PDE10A: variants seen among roughly 807,000 people sequenced by gnomAD.
The protein encoded by PDE10A is phosphodiesterase 10A.
A neutral mutation model predicts 97.7 loss-of-function variants in PDE10A; 39 were observed. The ratio of observed to expected loss-of-function variants is 0.40; its 90% CI spans 0.31 to 0.52. The LOEUF is 0.52. Among genes scored for constraint, PDE10A ranks in the 20% least tolerant of loss-of-function variants. The probability of loss-of-function intolerance (pLI) is 0.56; values close to 1 mark genes in which losing one functional copy is unlikely to be tolerated. For missense variants in PDE10A, 731 were observed against 1,047.8 expected, an observed-to-expected ratio of 0.70 and a Z score of 4.17; for synonymous variants, 371 against 376.8, an observed-to-expected ratio of 0.98 and a Z score of 0.18.
chr6:165,474,216 G>A (rs1433654864), intron 3 of PDE10A, among the ~76,000 whole-genome samples: 1 of 152,166 alleles, frequency 6.6e-6, no homozygotes, highest in Admixed American at 6.5e-5. Context: ...AGGTTCTTAA[G>A]CAGTATTGTA....
chr6:165,683,516 G>A (rs1472695607), intron 1 of PDE10A, among the ~76,000 whole-genome samples: 1 of 152,178 alleles, frequency 6.6e-6, no homozygotes, highest in Admixed American at 6.5e-5. Flanking sequence ...GGAGAGATGG[G>A]TTCATCTGGG....
intron 1 of PDE10A, among the ~76,000 whole-genome samples, chr6:165,749,297 C>T (rs1162897960): frequency 6.4e-5 from 4 of 62,754 alleles, no homozygotes; most frequent in African/African-American, 1.9e-4. Context: ...TCACCATCAC[C>T]ATCATCACCA....
At chr6:165,828,777 GC>G (rs1028850042) in intron 1 of PDE10A, among the ~76,000 whole-genome samples, 1 of 152,110 alleles carries the variant, frequency 6.6e-6, no homozygotes, top group African/African-American at 2.4e-5. Context: ...GAGGCCCTGT[GC>G]CCCCACCCTA....
At position 165,413,705 on chromosome 6, in the gene PDE10A, C is replaced by G. The variant is rs575166086; in HGVS notation, c.1890-18G>C. 1.9e-5 allele frequency: 30 copies of G among 1,580,738 alleles called. No homozygotes were observed. Among genetic ancestry groups the G allele is most frequent in the Admixed American group, 1.2e-4 (7 of 57,992 alleles). On this transcript the variant is annotated intron_variant, in intron 12 of 21. Coordinates refer to ENST00000539869, the MANE Select transcript of PDE10A (RefSeq NM_001385079.1). ...CTACTTCTCTGTGGGGTGACAGAAC[C>G]AAAAATAACAACAACAACAAAAGGG...
chr6:165,414,056 T>C (rs1400462451), intron 12 of PDE10A, among the ~76,000 whole-genome samples: 1 of 152,186 alleles, frequency 6.6e-6, no homozygotes, highest in African/African-American at 2.4e-5. Flanking sequence ...TCCTTTGAAG[T>C]TGATCGTGTT....
At chr6:165,928,671 A>G (rs967225928) in intron 1 of PDE10A, among the ~76,000 whole-genome samples, 1 of 152,008 alleles carries the variant, frequency 6.6e-6, no homozygotes, top group Non-Finnish European at 1.5e-5. Flanking sequence ...TGGTGGTGCC[A>G]ACATCCCGGC....
At chr6:165,893,321 G>A (rs2323034) in intron 1 of PDE10A, among the ~76,000 whole-genome samples, 70,595 of 152,028 alleles carry the variant, frequency 0.46, 16,632 homozygotes, top group East Asian at 0.66. Context: ...TAGTTGCTTG[G>A]CTTTCCTAGA....
At chr6:165,353,273 G>T (rs1436074471) in intron 18 of PDE10A, among the ~76,000 whole-genome samples, 1 of 151,910 alleles carries the variant, frequency 6.6e-6, no homozygotes, top group Non-Finnish European at 1.5e-5. Context: ...AAAAGAGTCT[G>T]GTATATTTCA....
chr6:165,372,886 G>A (rs1490008577), intron 18 of PDE10A, among the ~76,000 whole-genome samples: 3 of 151,968 alleles, frequency 2.0e-5, no homozygotes, highest in Non-Finnish European at 4.4e-5. Context: ...CAGAGAAACA[G>A]ATCAGTGGAA....
chr6:165,750,891 A>G (rs1583035881), intron 1 of PDE10A, among the ~76,000 whole-genome samples: 1 of 152,206 alleles, frequency 6.6e-6, no homozygotes, highest in East Asian at 1.9e-4. Context: ...CAGGACACAC[A>G]GCATGTCTGT....
chr6:165,857,700 TG>T (rs1780783258), intron 1 of PDE10A, among the ~76,000 whole-genome samples: 1 of 101,662 alleles, frequency 9.8e-6, no homozygotes, highest in African/African-American at 3.8e-5. Context: ...AACAGTTCCG[TG>T]TGTGTGTGTG....
intron 1 of PDE10A, among the ~76,000 whole-genome samples, chr6:165,914,898 A>G (rs564236485): frequency 6.6e-6 from 1 of 152,288 alleles, no homozygotes; most frequent in Non-Finnish European, 1.5e-5. Context: ...TCCTCTCACA[A>G]CTGGTCTGTT....
intron 1 of PDE10A, among the ~76,000 whole-genome samples, chr6:165,719,586 G>A (rs1792114772): frequency 6.6e-6 from 1 of 152,146 alleles, no homozygotes; most frequent in South Asian, 2.1e-4. Flanking sequence ...CTTCCCAGAA[G>A]GAGGGTGACA....
chr6:165,940,737 C>T (rs1231107006), intron 1 of PDE10A: 1 of 152,256 alleles, frequency 6.6e-6, no homozygotes, highest in Non-Finnish European at 1.5e-5. Flanking sequence ...CGCCTTCCAG[C>T]CGCAGCCGAC....
chr6:165,498,333 G>T (rs1780658714), intron 2 of PDE10A, among the ~76,000 whole-genome samples: 1 of 145,734 alleles, frequency 6.9e-6, no homozygotes, highest in African/African-American at 2.5e-5. Flanking sequence ...TGTGGCAGGA[G>T]GATCACTTGA....
At chr6:165,635,727 A>C (rs1227777338) in intron 1 of PDE10A, among the ~76,000 whole-genome samples, 1 of 152,232 alleles carries the variant, frequency 6.6e-6, no homozygotes, top group East Asian at 1.9e-4. Context: ...AAATCAATAG[A>C]CTATCGTAAA....
At chr6:165,594,865 A>G (rs1786491578) in intron 1 of PDE10A, among the ~76,000 whole-genome samples, 1 of 152,232 alleles carries the variant, frequency 6.6e-6, no homozygotes. Context: ...AAAGAACCAT[A>G]TACTCATGTG....
chr6:165,811,906 T>C (rs1268985230), intron 1 of PDE10A, among the ~76,000 whole-genome samples: 1 of 152,138 alleles, frequency 6.6e-6, no homozygotes, highest in Admixed American at 6.5e-5. Flanking sequence ...CAGGCTGGAG[T>C]GCAGTGGTGC....
chr6:165,719,297 C>T lies in PDE10A; in HGVS notation c.-614-175729G>A, dbSNP rs144192991. ...GATGGAAGGAGACTGGCCCAAGGAACGTTCCTGTGAAGCTCATTATCGGCA... is the reference window on the plus strand; with the variant it reads ...GATGGAAGGAGACTGGCCCAAGGAATGTTCCTGTGAAGCTCATTATCGGCA... On this transcript the variant is annotated intron_variant, in intron 1 of 19. Coordinates refer to the PDE10A transcript ENST00000366882. 2.3e-3 allele frequency among the ~76,000 whole-genome samples: 348 copies of T among 152,284 alleles called. 4 individuals are homozygous for T. The highest frequency in any genetic ancestry group is 0.012 in the Admixed American group (184 of 15,290).
Sources: gnomAD v4.1 joint callset for allele counts (sites outside exome capture counted in the v4.1 genomes callset) on GRCh38, gnomAD v4.1.1 for gene constraint, MANE v1.5 for transcripts, NCBI Gene and HGNC (gene_info 2026-07-23, HGNC 2026-07-21) for gene names.